The following PPA1 variants were observed in gnomAD, a reference collection of about 807,000 sequenced individuals.
PPA1 encodes the protein inorganic pyrophosphatase.
PPA1 carries 23 observed loss-of-function variants against 41.8 expected under a neutral mutation model. The ratio of observed to expected loss-of-function variants is 0.55; its 90% confidence interval spans 0.40 to 0.78. The LOEUF (loss-of-function observed/expected upper bound fraction) is 0.78. Ranked by LOEUF, PPA1 falls within the 30% of genes least tolerant of loss-of-function variation. The pLI is 0.00. For missense variants in PPA1, 320 were observed against 361.6 expected (o/e 0.89, Z 0.93); for synonymous variants, 101 against 116.8 (o/e 0.86, Z 0.87).
chr10:70,218,155 T>G (rs1162797737), intron 3 of PPA1, among the ~76,000 whole-genome samples: 1 of 152,182 alleles, frequency 6.6e-6, no homozygotes, highest in Non-Finnish European at 1.5e-5. Context: ...AAAAGAACAT[T>G]TACTAATTCT....
At chr10:70,223,917 C>T (rs1840202133) in intron 2 of PPA1, among the ~76,000 whole-genome samples, 1 of 152,170 alleles carries the variant, frequency 6.6e-6, no homozygotes, top group Non-Finnish European at 1.5e-5. Context: ...TCCAATCCTA[C>T]CATGCTTTGG....
intron 4 of PPA1, among the ~76,000 whole-genome samples, chr10:70,215,142 C>T (rs932693284): frequency 6.6e-6 from 1 of 152,184 alleles, no homozygotes; most frequent in African/African-American, 2.4e-5. Flanking sequence ...TTGCAGTGAG[C>T]CTAGATCATG....
At chr10:70,211,957 A>G (rs1415059581) in intron 6 of PPA1, among the ~76,000 whole-genome samples, 1 of 152,216 alleles carries the variant, frequency 6.6e-6, no homozygotes, top group Non-Finnish European at 1.5e-5. Flanking sequence ...AGATGCAAAT[A>G]TACATCACAT....
rs1481316819 is a variant in PPA1, at chr10:70,209,211, A to T, written c.719T>A (p.Ile240Asn). 6.3e-7 allele frequency: 1 copy of T among 1,589,206 alleles called. No individual in the cohort carries two copies. The highest frequency in any genetic ancestry group is 1.7e-5 in the Admixed American group (1 of 59,796). The change falls in exon 8 of 11, where the codon ATC becomes AAC. Residue 240 changes from isoleucine (I) to asparagine (N), a missense_variant. Coordinates refer to ENST00000373232, the MANE Select transcript of PPA1 (RefSeq NM_021129.4). ...LVTKKTNGKGISCMNTTLSES... is the reference protein window; with the variant it reads ...LVTKKTNGKGNSCMNTTLSES... ...GCAAAGTGTTTACACTTACCAACTG[A>T]TTCCTTTTCCATTCGTTTTCTTAGT...
intron 1 of PPA1, 113 bp downstream of exon 1, chr10:70,233,151 G>C (rs935893428): frequency 8.3e-7 from 1 of 1,203,126 alleles, no homozygotes; most frequent in Non-Finnish European, 1.1e-6. Flanking sequence ...CCGAGGAGAC[G>C]GGCCCGCGTC....
chr10:70,208,855 C>T (rs111942379), intron 8 of PPA1, among the ~76,000 whole-genome samples: 11 of 149,480 alleles, frequency 7.4e-5, no homozygotes, highest in South Asian at 4.2e-4. Context: ...TACAGTGGTA[C>T]GATCACGGCT....
intron 2 of PPA1, among the ~76,000 whole-genome samples, chr10:70,220,072 G>A (rs1840120034): frequency 6.7e-6 from 1 of 148,994 alleles, no homozygotes; most frequent in Admixed American, 6.7e-5. Context: ...GGATAACACA[G>A]GGGCGTGCCA....
intron 3 of PPA1, chr10:70,218,441 T>G (rs892507420): frequency 6.2e-5 from 15 of 243,658 alleles, no homozygotes; most frequent in African/African-American, 2.7e-4. Context: ...GAAATTCCAA[T>G]GAGAGTATCT....
intron 2 of PPA1, among the ~76,000 whole-genome samples, chr10:70,220,575 A>T (rs1487481990): frequency 7.4e-5 from 4 of 54,332 alleles, no homozygotes; most frequent in African/African-American, 2.4e-4. Context: ...TATATATAAT[A>T]TATATAATTA....
At chr10:70,223,847 C>A (rs1840201044) in intron 2 of PPA1, among the ~76,000 whole-genome samples, 2 of 152,154 alleles carry the variant, frequency 1.3e-5, no homozygotes, top group South Asian at 4.1e-4. Flanking sequence ...TTTTACTTAG[C>A]TGGATCTTGG....
intron 1 of PPA1, among the ~76,000 whole-genome samples, chr10:70,230,838 TCTC>T (rs1429391799): frequency 9.2e-5 from 14 of 152,288 alleles, no homozygotes; most frequent in African/African-American, 3.1e-4. Flanking sequence ...ATACTTCACT[TCTC>T]CTGACTGTAC....
In PPA1 at chr10:70,206,426, T is replaced by C. The variant is rs957104022; in HGVS notation, c.726-93A>G. On this transcript the variant is annotated intron_variant, in intron 8 of 10. Coordinates refer to ENST00000373232, the MANE Select transcript of PPA1 (RefSeq NM_021129.4). ...GAGTTGAAAGTGGTTGACCAGGTGA[T>C]ATTCAAGTTTAGTTTAGTCGAAAGC... 24 of 888,742 alleles carry C rather than the reference T, an allele frequency of 2.7e-5. No homozygotes were observed. In the Admixed American group the frequency reaches 3.9e-4, roughly 14 times the overall value. The allele number at this position is 888,742 out of a possible 1,614,324, so 55.1% of individuals were successfully genotyped here.
chr10:70,208,427 C>A (rs750824725), intron 8 of PPA1, among the ~76,000 whole-genome samples: 2 of 151,940 alleles, frequency 1.3e-5, no homozygotes, highest in Non-Finnish European at 2.9e-5. Context: ...CAGCCTTGAT[C>A]TCCAAGGCTC....
chr10:70,206,421 G>T, intron 8 of PPA1, 88 bp from the exon 9 acceptor site: 1 of 929,738 alleles, frequency 1.1e-6, no homozygotes, highest in East Asian at 2.6e-5. Context: ...TGGTTGACCA[G>T]GTGATATTCA....
intron 3 of PPA1, chr10:70,218,534 T>C (rs1211205689): frequency 1.2e-5 from 6 of 504,352 alleles, no homozygotes; most frequent in Admixed American, 3.7e-5. Flanking sequence ...TTTGGGAACA[T>C]TGGAAGCAAA....
At position 70,233,248 on chromosome 10, in the gene PPA1, G is replaced by A; in HGVS notation, c.64+16C>T. On this transcript the variant is annotated intron_variant, in intron 1 of 10. Transcript: ENST00000373232. The stretch of plus-strand genomic sequence containing the variant: ...GGCGGACGGGCGCGGAGGGGCCACG[G>A]GCCGCAGACACTCACTGAGGAAGAC... 6.5e-7 allele frequency: 1 copy of A among 1,535,002 alleles called. No individual in the cohort carries two copies. Among genetic ancestry groups the A allele is most frequent in the Non-Finnish European group, 8.8e-7 (1 of 1,141,552 alleles).
At chr10:70,203,578 A>ATTTT (rs56837347) in intron 10 of PPA1, 102 of 162,988 alleles carry the variant, frequency 6.3e-4, no homozygotes, top group African/African-American at 2.3e-3. Flanking sequence ...AAATTTTTGT[A>ATTTT]TTTTTTTTTT....
At chr10:70,229,888 T>C (rs1034723077) in intron 2 of PPA1, among the ~76,000 whole-genome samples, 4 of 152,186 alleles carry the variant, frequency 2.6e-5, no homozygotes, top group Non-Finnish European at 5.9e-5. Context: ...AATCTAGTTT[T>C]AAGACTAACT....
At chr10:70,232,651 C>T (rs1840300899) in intron 1 of PPA1, among the ~76,000 whole-genome samples, 2 of 152,170 alleles carry the variant, frequency 1.3e-5, no homozygotes, top group South Asian at 4.1e-4. Context: ...AAGGAGCATT[C>T]CCAGCATCGG....
Sources: allele counts gnomAD v4.1 joint callset (sites outside exome capture counted in the v4.1 genomes callset), GRCh38; gene constraint gnomAD v4.1.1; transcripts MANE v1.5; gene names NCBI Gene and HGNC (gene_info 2026-07-23, HGNC 2026-07-21).